Variants in PIR observed in about 807,000 individuals in gnomAD.
PIR encodes pirin.
Under a neutral mutation model 24.2 loss-of-function variants are expected in PIR, and 22 were observed. That is an observed-to-expected ratio of 0.91 (90% CI 0.65 to 1.30). The LOEUF is 1.30. PIR is among the 50% of genes most tolerant of loss of function. The pLI is 0.00. For synonymous variants in PIR, 80 were observed against 79.6 expected, an observed-to-expected ratio of 1.00 and a Z score of -0.03; for missense variants, 220 against 220.3, an observed-to-expected ratio of 1.00 and a Z score of 0.01.
In PIR at chrX:15,491,277, G is replaced by A; in HGVS notation, c.-20C>T. Reference sequence around the variant, plus strand: ...CCCCATATCGGAGTCTAAAAAGAGAGTGTTCTGATGCTGAGCTGTAGAGGA... The same window carrying A: ...CCCCATATCGGAGTCTAAAAAGAGAATGTTCTGATGCTGAGCTGTAGAGGA... On this transcript the variant is annotated 5_prime_UTR_variant, in exon 2 of 10. Transcript: ENST00000380420. The A allele has an allele frequency of 9.4e-7, 1 of 1,061,639 alleles. No individual in the cohort carries two copies. The highest frequency in any genetic ancestry group is 1.3e-6 in the Non-Finnish European group (1 of 764,339). The allele number at this position is 1,061,639 out of a possible 1,213,427, so 87.5% of individuals were successfully genotyped here.
At chrX:15,416,570 A>C (rs992894190) in intron 6 of PIR, among the ~76,000 whole-genome samples, 7 of 111,001 alleles carry the variant, frequency 6.3e-5, no homozygotes, top group African/African-American at 2.3e-4. Context: ...CGACTCTAAG[A>C]CGTCTGCCTG....
intron 3 of PIR, among the ~76,000 whole-genome samples, chrX:15,460,294 C>T (rs915358812): frequency 8.9e-6 from 1 of 111,877 alleles, no homozygotes; most frequent in Non-Finnish European, 1.9e-5. Flanking sequence ...TTTTACACTC[C>T]CATGTTCATT....
chrX:15,489,258 A>G (rs181342155), intron 2 of PIR, among the ~76,000 whole-genome samples: 6 of 112,750 alleles, frequency 5.3e-5, no homozygotes, highest in African/African-American at 1.9e-4. Flanking sequence ...ATTATGAAAT[A>G]GTTTTTAAAA....
At chrX:15,478,023 C>A (rs113784589) in intron 3 of PIR, among the ~76,000 whole-genome samples, 15 of 102,661 alleles carry the variant, frequency 1.5e-4, no homozygotes, top group African/African-American at 2.1e-4. Context: ...TTCCCCCCCC[C>A]CCAGAAAGCA....
At position 15,442,003 on chromosome X, in the gene PIR, G is replaced by A. The variant is rs184376132; in HGVS notation, c.480+13845C>T. ...TCTCAATTCGTTCGGAACTTGGGAA[G>A]GAAAGAAAGACGTACAGGCATACCT... On this transcript the variant is annotated intron_variant, in intron 5 of 9. Transcript: ENST00000380420. 5.4e-3 allele frequency among the ~76,000 whole-genome samples: 599 copies of A among 111,072 alleles called. 2 individuals are homozygous for A. The highest frequency in any genetic ancestry group is 9.4e-3 in the Non-Finnish European group (497 of 52,948).
chrX:15,385,097 G>C lies in PIR; in HGVS notation c.780C>G (p.Thr260=). 8.5e-7 allele frequency: 1 copy of C among 1,170,515 alleles called. No homozygotes were observed. Among genetic ancestry groups the C allele is most frequent in the Non-Finnish European group, 1.2e-6 (1 of 860,233 alleles). The change falls in exon 10 of 10, where the codon ACC becomes ACG. Residue 260 remains threonine, a synonymous_variant. Coordinates refer to ENST00000380420, the MANE Select transcript of PIR (RefSeq NM_001018109.3). ...GAATAGCTTGAGAAATCTCTTCATT[G>C]GTGTTCATCACAAATGGACCTAGGG... ...VIQHGPFVMN[T]NEEISQAILD... is the part of the protein sequence containing the mutation.
chrX:15,435,432 A>C (rs1291519280), intron 5 of PIR, among the ~76,000 whole-genome samples: 6 of 111,475 alleles, frequency 5.4e-5, no homozygotes, highest in Non-Finnish European at 1.9e-5. Context: ...TTAAGTTTGC[A>C]TATATATTTG....
intron 2 of PIR, among the ~76,000 whole-genome samples, chrX:15,489,143 T>A (rs1923028940): frequency 8.9e-6 from 1 of 111,975 alleles, no homozygotes; most frequent in African/African-American, 3.2e-5. Context: ...CACATTACAG[T>A]TGTTAGTAGA....
intron 4 of PIR, among the ~76,000 whole-genome samples, chrX:15,457,860 T>C (rs1028053877): frequency 4.4e-5 from 5 of 112,455 alleles, no homozygotes; most frequent in South Asian, 3.7e-4. Context: ...TAAAAGTTTA[T>C]TGGCACACGG....
intron 4 of PIR, among the ~76,000 whole-genome samples, chrX:15,458,657 C>A (rs759510315): frequency 2.5e-4 from 28 of 112,034 alleles, no homozygotes; most frequent in Admixed American, 1.1e-3. Flanking sequence ...AATAATAATA[C>A]TACTTATCGC....
intron 5 of PIR, among the ~76,000 whole-genome samples, chrX:15,440,307 G>C (rs1210912627): frequency 1.8e-5 from 2 of 111,033 alleles, no homozygotes; most frequent in African/African-American, 6.6e-5. Context: ...AACTACAAGT[G>C]AATACAGCCC....
rs890125833 is a variant in PIR at position 15,410,603 on chromosome X, T to G, written c.566-3053A>C. Reference sequence around the variant, plus strand: ...GTCCACAAATAATTGCCTAGATCTGTTTTTTTTCCTTTTTTATCTTTTTAC... The same window carrying G: ...GTCCACAAATAATTGCCTAGATCTGGTTTTTTTCCTTTTTTATCTTTTTAC... On this transcript the variant is annotated intron_variant, in intron 6 of 9. Transcript: ENST00000380420. Among the ~76,000 whole-genome samples, 3 of 111,349 alleles carry G rather than the reference T, an allele frequency of 2.7e-5. No individual in the cohort carries two copies. In the Admixed American group the frequency reaches 2.9e-4, roughly 11 times the overall value.
intron 2 of PIR, among the ~76,000 whole-genome samples, chrX:15,485,632 T>C (rs1922767399): frequency 8.9e-6 from 1 of 112,146 alleles, no homozygotes; most frequent in South Asian, 3.7e-4. Flanking sequence ...AGGGGGCTGA[T>C]TGAGGTAAGA....
chrX:15,456,777 T>C (rs1921100895), intron 4 of PIR, among the ~76,000 whole-genome samples: 1 of 112,606 alleles, frequency 8.9e-6, no homozygotes, highest in Non-Finnish European at 1.9e-5. Flanking sequence ...CTGTACTTGC[T>C]CAGTTCCAGT....
chrX:15,479,371 G>T (rs1332903717), intron 3 of PIR, among the ~76,000 whole-genome samples: 5 of 107,540 alleles, frequency 4.6e-5, no homozygotes, highest in African/African-American at 1.0e-4. Flanking sequence ...CTAAGACAAG[G>T]TCTCACTCTG....
intron 7 of PIR, among the ~76,000 whole-genome samples, chrX:15,407,010 G>A (rs1429465644): frequency 8.9e-6 from 1 of 112,047 alleles, no homozygotes; most frequent in African/African-American, 3.2e-5. Flanking sequence ...ATGAGCATTG[G>A]TTAGGTCTCA....
At chrX:15,388,580 G>A (rs1403195179) in intron 9 of PIR, among the ~76,000 whole-genome samples, 8 of 112,387 alleles carry the variant, frequency 7.1e-5, no homozygotes, top group Non-Finnish European at 1.1e-4. Flanking sequence ...TAAATTCTAT[G>A]CAAGCATCCA....
intron 3 of PIR, among the ~76,000 whole-genome samples, chrX:15,474,868 A>T (rs1224360352): frequency 5.4e-5 from 6 of 112,117 alleles, no homozygotes; most frequent in African/African-American, 1.9e-4. Context: ...CCAGAACCAT[A>T]TTAAACTGTG....
chrX:15,437,164 C>CA (rs1208009434), intron 5 of PIR, among the ~76,000 whole-genome samples: 1 of 112,147 alleles, frequency 8.9e-6, no homozygotes, highest in African/African-American at 3.2e-5. Context: ...GGTCTTCTTT[C>CA]ACAATGAGCT....
Sources: gnomAD v4.1 joint callset for allele counts (sites outside exome capture counted in the v4.1 genomes callset) on GRCh38, gnomAD v4.1.1 for gene constraint, MANE v1.5 for transcripts, NCBI Gene and HGNC (gene_info 2026-07-23, HGNC 2026-07-21) for gene names.